Variants in CLVS1 observed in about 807,000 individuals in gnomAD.
CLVS1 encodes the protein clavesin 1.
A neutral mutation model predicts 33.1 loss-of-function variants in CLVS1; 10 were observed. The ratio of observed to expected loss-of-function variants is 0.30; its 90% confidence interval spans 0.19 to 0.51. CLVS1 has a LOEUF of 0.51. CLVS1 is among the 20% of genes least tolerant of loss of function. The pLI, the probability that CLVS1 is intolerant of heterozygous loss-of-function variation, is 0.97. For synonymous variants in CLVS1, 163 were observed against 166.1 expected (o/e 0.98, Z 0.14); for missense variants, 343 against 433.4 (o/e 0.79, Z 1.85).
intron 1 of CLVS1, among the ~76,000 whole-genome samples, chr8:61,108,661 A>G (rs1040084455): frequency 6.6e-6 from 1 of 152,208 alleles, no homozygotes; most frequent in Admixed American, 6.5e-5. Flanking sequence ...TACTAATCCA[A>G]GGGTTGGTAT....
intron 1 of CLVS1, among the ~76,000 whole-genome samples, chr8:61,059,499 T>TATATATATATATATATATATATACACAC (rs1265187479): frequency 2.6e-4 from 25 of 96,356 alleles, no homozygotes; most frequent in Non-Finnish European, 4.4e-4. Context: ...TATATATATA[T>TATATATATATATATATATATATACACAC]ACACATATCT....
At chr8:61,291,489 T>C (rs545435016) in intron 1 of CLVS1, among the ~76,000 whole-genome samples, 1 of 152,234 alleles carries the variant, frequency 6.6e-6, no homozygotes, top group Non-Finnish European at 1.5e-5. Context: ...GCTTATTCAA[T>C]TGTTCATTAT....
At chr8:61,474,094 G>T (rs1048811090) in intron 5 of CLVS1, among the ~76,000 whole-genome samples, 2 of 152,150 alleles carry the variant, frequency 1.3e-5, no homozygotes, top group Non-Finnish European at 2.9e-5. Flanking sequence ...AGAAGAATGA[G>T]TGCCTAGGTT....
chr8:61,022,534 TA>T, the CLVS1 span, among the ~76,000 whole-genome samples: 1 of 152,340 alleles, frequency 6.6e-6, no homozygotes, highest in Admixed American at 6.5e-5. Context: ...TAAATACATT[TA>T]AAAAAATCCA....
chr8:61,039,548 CT>C, the CLVS1 span, among the ~76,000 whole-genome samples: 124 of 149,928 alleles, frequency 8.3e-4, no homozygotes, highest in African/African-American at 2.5e-3. Flanking sequence ...ATAATTTGAA[CT>C]TTTTTTTTTC....
In CLVS1 at chr8:61,094,307, G is replaced by A. The variant is rs543641706; in HGVS notation, c.-243+37077G>A. 8.4e-4 allele frequency among the ~76,000 whole-genome samples: 128 copies of A among 152,146 alleles called. 1 individual carries two copies. The highest frequency in any genetic ancestry group is 2.8e-3 in the African/African-American group (116 of 41,516). Reference sequence around the variant, plus strand: ...CACTATGGTTCTAATGCAAGGACTCGGGGCACTGACGCTGGGGGTGCTCAT... The same window carrying A: ...CACTATGGTTCTAATGCAAGGACTCAGGGCACTGACGCTGGGGGTGCTCAT... On this transcript the variant is annotated intron_variant, in intron 1 of 2. Coordinates refer to the CLVS1 transcript ENST00000522621.
chr8:61,217,292 G>A (rs1187193057), intron 2 of CLVS1, among the ~76,000 whole-genome samples: 1 of 152,162 alleles, frequency 6.6e-6, no homozygotes, highest in Admixed American at 6.6e-5. Flanking sequence ...AGAAGAGAAT[G>A]GGAGGGGCCA....
the CLVS1 span, among the ~76,000 whole-genome samples, chr8:60,978,696 T>C: frequency 6.7e-6 from 1 of 149,860 alleles, no homozygotes; most frequent in Non-Finnish European, 1.5e-5. Flanking sequence ...CTGCCTGTAA[T>C]GCCAGATACT....
the CLVS1 span, among the ~76,000 whole-genome samples, chr8:60,980,839 G>C: frequency 1.0e-3 from 158 of 152,282 alleles, 1 homozygote; most frequent in African/African-American, 3.6e-3. Flanking sequence ...TAAGGACCTT[G>C]AGATGAGATC....
At chr8:61,144,321 G>A (rs936134113) in intron 2 of CLVS1, among the ~76,000 whole-genome samples, 3 of 152,250 alleles carry the variant, frequency 2.0e-5, no homozygotes, top group African/African-American at 7.2e-5. Context: ...CTGTTCTTGT[G>A]TTAGTTTGCT....
chr8:61,288,704 G>A (rs1022221281), intron 1 of CLVS1, among the ~76,000 whole-genome samples: 8 of 152,154 alleles, frequency 5.3e-5, no homozygotes, highest in African/African-American at 1.9e-4. Context: ...GGCATAATGT[G>A]ATTCCAGAAA....
At chr8:61,142,040 G>T (rs1326438667) in intron 2 of CLVS1, among the ~76,000 whole-genome samples, 1 of 152,202 alleles carries the variant, frequency 6.6e-6, no homozygotes, top group Non-Finnish European at 1.5e-5. Context: ...CTCACCTCTG[G>T]ATTATAAACT....
At chr8:61,297,223 A>G (rs1006070152) in intron 1 of CLVS1, among the ~76,000 whole-genome samples, 10 of 152,170 alleles carry the variant, frequency 6.6e-5, no homozygotes, top group African/African-American at 2.4e-4. Flanking sequence ...GATGCTAATG[A>G]TGGATATTAA....
At chr8:61,125,452 G>A (rs1805952332) in intron 1 of CLVS1, among the ~76,000 whole-genome samples, 1 of 152,172 alleles carries the variant, frequency 6.6e-6, no homozygotes, top group African/African-American at 2.4e-5. Flanking sequence ...CATAAGTTCA[G>A]TTCCTCATTT....
chr8:61,082,392 C>T (rs1805036491), intron 1 of CLVS1, among the ~76,000 whole-genome samples: 1 of 152,028 alleles, frequency 6.6e-6, no homozygotes, highest in Non-Finnish European at 1.5e-5. Context: ...GGAATAATGA[C>T]TGAGAATTTT....
chr8:61,121,409 T>C (rs1164190167), intron 1 of CLVS1, among the ~76,000 whole-genome samples: 1 of 152,162 alleles, frequency 6.6e-6, no homozygotes, highest in Admixed American at 6.5e-5. Flanking sequence ...CACCGGCAAC[T>C]CTTATTTTTT....
intron 5 of CLVS1, among the ~76,000 whole-genome samples, chr8:61,475,885 G>C (rs1356369503): frequency 6.6e-6 from 1 of 152,180 alleles, no homozygotes; most frequent in Non-Finnish European, 1.5e-5. Context: ...TGTATGTCCT[G>C]AATAGTATTG....
intron 2 of CLVS1, among the ~76,000 whole-genome samples, chr8:61,373,273 A>G (rs978800682): frequency 1.3e-5 from 2 of 152,162 alleles, no homozygotes; most frequent in Non-Finnish European, 2.9e-5. Context: ...AAGCTTCATG[A>G]CTCAAGACAC....
chr8:61,317,517 TGTTCAGG>T (rs1811054516), intron 2 of CLVS1, among the ~76,000 whole-genome samples: 1 of 152,194 alleles, frequency 6.6e-6, no homozygotes, highest in Admixed American at 6.5e-5. Flanking sequence ...GCAATAAAAA[TGTTCAGG>T]GCTCTTGGTC....
Sources: gnomAD v4.1 joint callset for allele counts (sites outside exome capture counted in the v4.1 genomes callset) on GRCh38, gnomAD v4.1.1 for gene constraint, MANE v1.5 for transcripts, NCBI Gene and HGNC (gene_info 2026-07-23, HGNC 2026-07-21) for gene names.